The following GABRR1 variants were observed in gnomAD, a reference collection of about 807,000 sequenced individuals.
GABRR1 encodes the protein gamma-aminobutyric acid receptor subunit rho-1.
Under a neutral mutation model 55.5 loss-of-function variants are expected in GABRR1, and 59 were observed. The observed-to-expected ratio is 1.06, with a 90% CI of 0.86 to 1.32. GABRR1 has a LOEUF of 1.32. Ranked by LOEUF, GABRR1 falls within the 40% of genes most tolerant of loss-of-function variation. GABRR1 has a pLI of 0.00. For missense variants in GABRR1, 602 were observed against 619.1 expected (o/e 0.97, Z 0.29); for synonymous variants, 213 against 226.0 (o/e 0.94, Z 0.51).
intron 8 of GABRR1, 65 bp from the exon 9 acceptor site, chr6:89,180,553 GTC>G (rs1444711119): frequency 8.9e-6 from 14 of 1,570,880 alleles, no homozygotes; most frequent in Non-Finnish European, 1.2e-5. Context: ...ATGGTTTCAT[GTC>G]TCTGCTCATT....
rs777694528 is a variant in GABRR1, at chr6:89,217,303, A to G, written c.20T>C (p.Met7Thr). Reference protein sequence around the residue: MLAVPNMRFGIFLLWWG... With the variant: MLAVPNTRFGIFLLWWG... ...CCACAAAAGAAAGATGCCAAATCTC[A>G]TATTTGGGACAGCCAACATGGGTTT... The change falls in exon 1 of 10, where the codon ATG becomes ACG. Residue 7 changes from methionine (M) to threonine (T), a missense_variant. Physicochemically the swap from Met to Thr is moderately conservative, Grantham distance 81. Around this residue, in one of 3 missense-constraint regions of GABRR1, gnomAD observed 435 missense variants for 424.2 expected, o/e 1.03. Coordinates refer to ENST00000454853, the MANE Select transcript of GABRR1 (RefSeq NM_002042.5). The G allele has an allele frequency of 4.3e-6, 7 of 1,614,158 alleles. No homozygotes were observed. Among genetic ancestry groups the G allele is most frequent in the South Asian group, 3.3e-5 (3 of 91,074 alleles).
At chr6:89,219,359 C>T (rs1773078374), upstream of GABRR1, among the ~76,000 whole-genome samples, 1 of 152,202 alleles carries the variant, frequency 6.6e-6, no homozygotes, top group African/African-American at 2.4e-5. Context: ...TGGAATCATT[C>T]AACACCGTAT....
At chr6:89,227,148 G>C (rs1487393628) in intron 1 of GABRR1, among the ~76,000 whole-genome samples, 1 of 114,162 alleles carries the variant, frequency 8.8e-6, no homozygotes, top group Non-Finnish European at 1.8e-5. Flanking sequence ...TTGCTTATCA[G>C]CTTAAGGAGG....
intron 1 of GABRR1, among the ~76,000 whole-genome samples, chr6:89,210,968 T>G (rs1430045571): frequency 1.3e-5 from 2 of 151,966 alleles, no homozygotes; most frequent in Non-Finnish European, 2.9e-5. Flanking sequence ...AGGTGACACC[T>G]CTGCTAAATA....
chr6:89,185,988 C>T (rs77794635), intron 6 of GABRR1, among the ~76,000 whole-genome samples: 419 of 152,316 alleles, frequency 2.8e-3, no homozygotes, highest in Middle Eastern at 6.8e-3. Context: ...TACTCCTACT[C>T]AGGGTAAAGT....
At chr6:89,192,801 T>C (rs1413152970) in intron 5 of GABRR1, among the ~76,000 whole-genome samples, 1 of 152,178 alleles carries the variant, frequency 6.6e-6, no homozygotes, top group Non-Finnish European at 1.5e-5. Flanking sequence ...CTTCAGATGA[T>C]CCACCGGATC....
At chr6:89,216,767 T>C (rs544416048) in intron 1 of GABRR1, among the ~76,000 whole-genome samples, 1 of 152,324 alleles carries the variant, frequency 6.6e-6, no homozygotes, top group African/African-American at 2.4e-5. Flanking sequence ...TTTTAAAATA[T>C]TAAAAAATGA....
intron 5 of GABRR1, among the ~76,000 whole-genome samples, chr6:89,191,033 T>C (rs1404843452): frequency 2.6e-5 from 4 of 152,266 alleles, no homozygotes; most frequent in Admixed American, 6.5e-5. Flanking sequence ...AACCATGCAA[T>C]ATTTGCTACG....
intron 9 of GABRR1, among the ~76,000 whole-genome samples, chr6:89,179,305 C>T (rs778183135): frequency 3.3e-5 from 5 of 152,018 alleles, no homozygotes; most frequent in Admixed American, 1.3e-4. Context: ...CTGCAACCTC[C>T]GCCTCTGGGG....
At chr6:89,186,968 C>T (rs762563966) in intron 6 of GABRR1, among the ~76,000 whole-genome samples, 2 of 152,230 alleles carry the variant, frequency 1.3e-5, no homozygotes, top group Non-Finnish European at 2.9e-5. Context: ...TCCACTGCTA[C>T]AAGCCCAGGC....
upstream of GABRR1, among the ~76,000 whole-genome samples, chr6:89,221,642 T>C (rs1016237424): frequency 3.9e-5 from 6 of 152,130 alleles, no homozygotes; most frequent in African/African-American, 9.7e-5. Context: ...TTTGGAATCC[T>C]TGGGGTCCTG....
At chr6:89,196,016 A>T (rs1772262161) in intron 5 of GABRR1, among the ~76,000 whole-genome samples, 1 of 152,224 alleles carries the variant, frequency 6.6e-6, no homozygotes, top group Non-Finnish European at 1.5e-5. Context: ...AATATTGAGG[A>T]CATATTTCAG....
intron 6 of GABRR1, among the ~76,000 whole-genome samples, chr6:89,186,359 G>A (rs777794827): frequency 1.3e-4 from 20 of 152,208 alleles, no homozygotes; most frequent in Non-Finnish European, 2.1e-4. Context: ...TAATCTGGGT[G>A]GGCCTGATTC....
chr6:89,225,534 G>A (rs28815309), intron 1 of GABRR1, among the ~76,000 whole-genome samples: 27,529 of 120,504 alleles, frequency 0.23, 2,078 homozygotes, highest in African/African-American at 0.26. Context: ...TTGTTCTTGC[G>A]ATAGTTTACT....
chr6:89,230,912 G>A (rs1301335656), intron 1 of GABRR1, among the ~76,000 whole-genome samples: 4 of 150,828 alleles, frequency 2.7e-5, no homozygotes, highest in South Asian at 2.1e-4. Flanking sequence ...AGCAATCAGC[G>A]AGATTCCATG....
intron 5 of GABRR1, among the ~76,000 whole-genome samples, chr6:89,192,797 A>G (rs560614118): frequency 1.3e-5 from 2 of 152,168 alleles, no homozygotes; most frequent in South Asian, 2.1e-4. Context: ...CTAACTTCAG[A>G]TGATCCACCG....
chr6:89,218,162 G>A (rs997655935), upstream of GABRR1, among the ~76,000 whole-genome samples: 4 of 152,144 alleles, frequency 2.6e-5, no homozygotes, highest in Admixed American at 6.5e-5. Flanking sequence ...GGAAGAGACC[G>A]CATTAGGTAC....
chr6:89,226,518 G>A (rs1266811474), intron 1 of GABRR1, among the ~76,000 whole-genome samples: 1 of 151,970 alleles, frequency 6.6e-6, no homozygotes, highest in Admixed American at 6.6e-5. Context: ...TTTTTAAACA[G>A]GGAATCCTTT....
In GABRR1 at chr6:89,187,210, T is replaced by G. The variant is rs368657138; in HGVS notation, c.656-1760A>C. ...TTTCTGTGGCCTGGTTTCTGGGGGGTGTGTGTGTGTGTGTGTGTGTTGTGT... is the reference window on the plus strand; with the variant it reads ...TTTCTGTGGCCTGGTTTCTGGGGGGGGTGTGTGTGTGTGTGTGTGTTGTGT... On this transcript the variant is annotated intron_variant, in intron 6 of 9. Coordinates refer to ENST00000454853, the MANE Select transcript of GABRR1 (RefSeq NM_002042.5). 6.4e-3 allele frequency among the ~76,000 whole-genome samples: 942 copies of G among 148,120 alleles called. 7 individuals carry two copies. The highest frequency in any genetic ancestry group is 0.018 in the South Asian group (86 of 4,744).
Sources: allele counts gnomAD v4.1 joint callset (sites outside exome capture counted in the v4.1 genomes callset), GRCh38; gene constraint gnomAD v4.1.1; regional missense constraint gnomAD v4.1.1; transcripts MANE v1.5; gene names NCBI Gene and HGNC (gene_info 2026-07-23, HGNC 2026-07-21).